The following DACH2 variants were observed in gnomAD, a reference collection of about 807,000 sequenced individuals.
DACH2 encodes the protein dachshund family transcription factor 2.
A neutral mutation model predicts 35.8 loss-of-function variants in DACH2; 17 were observed. The ratio of observed to expected loss-of-function variants is 0.48; its 90% CI spans 0.33 to 0.71. DACH2 has a LOEUF of 0.71. Ranked by LOEUF, DACH2 falls within the 30% of genes least tolerant of loss-of-function variation. The pLI, the probability that DACH2 is intolerant of heterozygous loss-of-function variation, is 0.02. For missense variants in DACH2, 469 were observed against 472.7 expected, an observed-to-expected ratio of 0.99 and a Z score of 0.07; for synonymous variants, 195 against 177.3, an observed-to-expected ratio of 1.10 and a Z score of -0.79.
At position 86,212,335 on chromosome X, in the gene DACH2, T is replaced by A. The variant is rs370515613; in HGVS notation, c.488+63227T>A. ...TGTAAAAACTAATTAAACTATTTTA[T>A]GTATAGTGTTATTTTATTAACTAAT... On this transcript the variant is annotated intron_variant, in intron 1 of 11. Coordinates refer to ENST00000373125, the MANE Select transcript of DACH2 (RefSeq NM_053281.3). Among the ~76,000 whole-genome samples, 26 of 111,803 alleles carry A rather than the reference T, an allele frequency of 2.3e-4. No individual in the cohort carries two copies. In the East Asian group the frequency reaches 4.5e-3, roughly 19 times the overall value.
At chrX:86,624,301 A>G (rs1382378889) in intron 3 of DACH2, among the ~76,000 whole-genome samples, 1 of 111,397 alleles carries the variant, frequency 9.0e-6, no homozygotes, top group Non-Finnish European at 1.9e-5. Context: ...CTTCCGATTC[A>G]ATTGCAACCA....
At chrX:86,652,402 G>A (rs767993347) in intron 4 of DACH2, among the ~76,000 whole-genome samples, 4 of 112,199 alleles carry the variant, frequency 3.6e-5, no homozygotes, top group South Asian at 3.7e-4. Context: ...GTGCTGCAAC[G>A]AACATATGTG....
intron 2 of DACH2, among the ~76,000 whole-genome samples, chrX:86,441,827 A>G (rs186669959): frequency 6.5e-4 from 68 of 104,655 alleles, no homozygotes; most frequent in African/African-American, 2.3e-3. Flanking sequence ...TTTAAAAATT[A>G]CATATTATTA....
At chrX:86,539,041 A>G (rs6623698) in intron 3 of DACH2, among the ~76,000 whole-genome samples, 50,131 of 109,459 alleles carry the variant, frequency 0.46, 8,603 homozygotes, top group Middle Eastern at 0.56. Context: ...GAGGCTGATG[A>G]GATACTAATA....
At chrX:86,445,922 C>T (rs747715844) in intron 2 of DACH2, among the ~76,000 whole-genome samples, 9 of 111,344 alleles carry the variant, frequency 8.1e-5, no homozygotes, top group African/African-American at 2.0e-4. Context: ...TCTGTGTGGA[C>T]GATCAGTCAG....
At chrX:86,557,166 A>T (rs1245518292) in intron 3 of DACH2, among the ~76,000 whole-genome samples, 1 of 110,848 alleles carries the variant, frequency 9.0e-6, no homozygotes, top group Non-Finnish European at 1.9e-5. Flanking sequence ...AGAGGATGGG[A>T]TATCTACCCA....
intron 4 of DACH2, among the ~76,000 whole-genome samples, chrX:86,675,871 C>A (rs2040820584): frequency 9.0e-6 from 1 of 111,025 alleles, no homozygotes; most frequent in African/African-American, 3.3e-5. Flanking sequence ...AAACCAAGAG[C>A]CTCAGTCCTA....
chrX:86,532,900 C>T (rs1254439722), intron 3 of DACH2, among the ~76,000 whole-genome samples: 1 of 111,065 alleles, frequency 9.0e-6, no homozygotes, highest in Non-Finnish European at 1.9e-5. Context: ...AAATGCATAA[C>T]ATTGTTTAAA....
At chrX:86,611,019 T>TG (rs1266044397) in intron 3 of DACH2, among the ~76,000 whole-genome samples, 1 of 110,748 alleles carries the variant, frequency 9.0e-6, no homozygotes, top group Non-Finnish European at 1.9e-5. Flanking sequence ...CGCAATATGT[T>TG]GGGTCTCACC....
At chrX:86,610,381 C>G (rs2039919917) in intron 3 of DACH2, among the ~76,000 whole-genome samples, 2 of 61,938 alleles carry the variant, frequency 3.2e-5, no homozygotes, top group Non-Finnish European at 5.5e-5. Context: ...TTCTTTCTTT[C>G]TTTCTTTCTT....
intron 3 of DACH2, among the ~76,000 whole-genome samples, chrX:86,586,431 G>T (rs1000516283): frequency 1.8e-5 from 2 of 111,593 alleles, no homozygotes; most frequent in Non-Finnish European, 3.8e-5. Flanking sequence ...GGTTCCATTT[G>T]TCAGTTTTTG....
intron 1 of DACH2, among the ~76,000 whole-genome samples, chrX:86,341,729 A>G (rs960886991): frequency 2.7e-5 from 3 of 112,550 alleles, no homozygotes; most frequent in African/African-American, 6.5e-5. Flanking sequence ...TGTGATTCAC[A>G]AGAGGAGGTC....
intron 1 of DACH2, among the ~76,000 whole-genome samples, chrX:86,371,084 C>A (rs186472743): frequency 0.018 from 1,997 of 110,776 alleles, 21 homozygotes; most frequent in Non-Finnish European, 0.027. Flanking sequence ...TCGGACAGGA[C>A]CAACAAAATA....
chrX:86,576,948 G>T (rs1056154216), intron 3 of DACH2, among the ~76,000 whole-genome samples: 7 of 111,542 alleles, frequency 6.3e-5, no homozygotes, highest in Non-Finnish European at 1.3e-4. Flanking sequence ...CTCACCAAAA[G>T]CAGATGCTGG....
chrX:86,645,855 A>G (rs1382435541), intron 3 of DACH2, among the ~76,000 whole-genome samples: 4 of 110,964 alleles, frequency 3.6e-5, no homozygotes, highest in African/African-American at 1.3e-4. Context: ...AATGATAGGA[A>G]CTTATGAACA....
intron 7 of DACH2, among the ~76,000 whole-genome samples, chrX:86,782,132 A>C (rs1014624159): frequency 8.9e-6 from 1 of 112,023 alleles, no homozygotes; most frequent in Non-Finnish European, 1.9e-5. Flanking sequence ...ATTAACCACA[A>C]AAATGAAAGA....
chrX:86,463,482 C>A (rs1191944624), intron 2 of DACH2, among the ~76,000 whole-genome samples: 1 of 110,439 alleles, frequency 9.1e-6, no homozygotes, highest in Non-Finnish European at 1.9e-5. Flanking sequence ...ATGAAGAAAA[C>A]TGAAACTGGA....
At chrX:86,434,192 T>A (rs945302364) in intron 2 of DACH2, among the ~76,000 whole-genome samples, 1 of 112,177 alleles carries the variant, frequency 8.9e-6, no homozygotes, top group Non-Finnish European at 1.9e-5. Flanking sequence ...CGACTTTTAT[T>A]TTTTTATTTT....
chrX:86,546,488 T>C (rs1602632212), intron 3 of DACH2, among the ~76,000 whole-genome samples: 1 of 72,474 alleles, frequency 1.4e-5, no homozygotes, highest in Admixed American at 1.4e-4. Context: ...CTTCTTCCTC[T>C]TCTTCTTCTT....
Sources: gnomAD v4.1 joint callset for allele counts (sites outside exome capture counted in the v4.1 genomes callset) on GRCh38, gnomAD v4.1.1 for gene constraint, MANE v1.5 for transcripts, NCBI Gene and HGNC (gene_info 2026-07-23, HGNC 2026-07-21) for gene names.